BSX: variants seen among roughly 807,000 people sequenced by gnomAD.
The protein encoded by BSX is brain-specific homeobox protein homolog.
In BSX, 12 loss-of-function variants were observed where a neutral mutation model predicts 16.9. The observed-to-expected ratio is 0.71, with a 90% CI of 0.46 to 1.15. The LOEUF is 1.15. Among genes scored for constraint, BSX ranks in the 50% most tolerant of loss-of-function variants. The pLI, the probability that BSX is intolerant of heterozygous loss-of-function variation, is 0.00. For missense variants in BSX, 292 were observed against 311.8 expected (o/e 0.94, Z 0.48); for synonymous variants, 160 against 136.4 (o/e 1.17, Z -1.20).
At position 122,979,348 on chromosome 11, in the gene BSX, G is replaced by A; in HGVS notation, c.372C>T (p.Gly124=). ...GCTGGATCTCGAACCTCTTCTCCAA[G>A]CCCGAGAGCTGCGAGTCAGAGAAAA... ...RTVFSDSQLS[G]LEKRFEIQRY... Residue 124 remains glycine, a synonymous_variant, in exon 2 of 3, where the codon GGC becomes GGT. Coordinates refer to ENST00000343035, the MANE Select transcript of BSX (RefSeq NM_001098169.2). The A allele has an allele frequency of 6.2e-7, 1 of 1,614,170 alleles. No individual in the cohort carries two copies. Among genetic ancestry groups the A allele is most frequent in the Non-Finnish European group, 8.5e-7 (1 of 1,180,028 alleles).
chr11:122,978,795 C>CTTTTTTTTTTTTTT (rs35567142), intron 2 of BSX, among the ~76,000 whole-genome samples: 5 of 64,776 alleles, frequency 7.7e-5, no homozygotes, highest in African/African-American at 1.6e-4. Flanking sequence ...TTTTTCTTTT[C>CTTTTTTTTTTTTTT]TTTTTTTTTT....
intron 2 of BSX, among the ~76,000 whole-genome samples, chr11:122,978,658 G>A (rs1864526963): frequency 6.6e-6 from 1 of 152,056 alleles, no homozygotes; most frequent in African/African-American, 2.4e-5. Flanking sequence ...ACGAATAAGA[G>A]TTCTTAACCT....
rs1474440435 is a variant in BSX, at chr11:122,981,463, T to C, written c.209A>G (p.His70Arg). 1.3e-6 allele frequency: 2 copies of C among 1,573,792 alleles called. No homozygotes were observed. The highest frequency in any genetic ancestry group is 1.2e-5 in the South Asian group (1 of 85,600). ...GTGGTCTCCCTTATGCAGAGGGTGA[T>C]GGGCGTGAGGAGCCAAGAGGGTGGG... is the stretch of plus-strand genomic sequence containing the variant. The part of the protein sequence containing the change: ...PTPTLLAPHA[H>R]HPLHKGDHHH... The change falls in exon 1 of 3, where the codon CAT becomes CGT. Residue 70 changes from histidine to arginine, a missense_variant. Around this residue, in one of 3 missense-constraint regions of BSX, gnomAD observed 176 missense variants for 187.2 expected, o/e 0.94. Coordinates refer to ENST00000343035, the MANE Select transcript of BSX (RefSeq NM_001098169.2).
chr11:122,977,600 C>G lies in BSX; in HGVS notation c.*49G>C, dbSNP rs200622181. The G allele has an allele frequency of 3.2e-6, 5 of 1,555,238 alleles. No homozygotes were observed. The highest frequency in any genetic ancestry group is 4.3e-6 in the Non-Finnish European group (5 of 1,161,330). ...TTCCGGTCCAGGAGGGAACCGCGCT[C>G]GGCCCCGCAGTCTCCTCCCCTGCCT... On this transcript the variant is annotated 3_prime_UTR_variant, in exon 3 of 3. Coordinates refer to ENST00000343035, the MANE Select transcript of BSX (RefSeq NM_001098169.2). This position sits in a 1 kb window ranked among gnomAD's most constrained non-coding sequence, Gnocchi z 4.5.
At chr11:122,980,813 T>A (rs1280887454) in intron 1 of BSX, among the ~76,000 whole-genome samples, 1 of 150,890 alleles carries the variant, frequency 6.6e-6, no homozygotes, top group East Asian at 1.9e-4. Context: ...AAATGTTAGA[T>A]GTTGAGGATG....
chr11:122,979,619 A>G (rs1002869672), intron 1 of BSX, among the ~76,000 whole-genome samples, 162 bp from the exon 2 acceptor site: 1 of 147,276 alleles, frequency 6.8e-6, no homozygotes, highest in Non-Finnish European at 1.5e-5. Flanking sequence ...TCAGGAATCC[A>G]GGGCAGAGGA....
Position 122,977,694 on chromosome 11 carries a change from G to A in BSX, c.657C>T (p.Asp219=). 1 of 1,612,344 alleles carries A rather than the reference G, an allele frequency of 6.2e-7. No homozygotes were observed. The stretch of plus-strand genomic sequence containing the variant: ...AGCCCAGCTCCCCCTCGTCTCCAAT[G>A]TCCACCTCGTCCTCTGGCTCGGTCA... ...FVLTEPEDEV[D]IGDEGELGSG... The change falls in exon 3 of 3, where the codon GAC becomes GAT. Residue 219 remains aspartate (D), a synonymous_variant. Coordinates refer to ENST00000343035, the MANE Select transcript of BSX (RefSeq NM_001098169.2). The surrounding 1 kb of genome is among the most constrained non-coding windows in gnomAD (Gnocchi z 4.5).
In BSX at chr11:122,981,425, A is replaced by G; in HGVS notation, c.247T>C (p.Phe83Leu). 6.5e-7 allele frequency: 1 copy of G among 1,541,838 alleles called. No individual in the cohort carries two copies. Among genetic ancestry groups the G allele is most frequent in the South Asian group, 1.2e-5 (1 of 81,944 alleles). The change falls in exon 1 of 3, where the codon TTC becomes CTC. Residue 83 changes from phenylalanine (F) to leucine (L), a missense_variant. By Grantham distance (22) the Phe-to-Leu change is conservative. Around this residue, in one of 3 missense-constraint regions of BSX, gnomAD observed 176 missense variants for 187.2 expected, o/e 0.94. Coordinates refer to ENST00000343035, the MANE Select transcript of BSX (RefSeq NM_001098169.2). ...TGTTACTTACCCGAGGTGGTGAGGAAATAAGGATGATGGTGGTCTCCCTTA... is the reference window on the plus strand; with the variant it reads ...TGTTACTTACCCGAGGTGGTGAGGAGATAAGGATGATGGTGGTCTCCCTTA... ...LHKGDHHHPY[F>L]LTTSGMPVPA...
chr11:122,980,870 C>T (rs1221769866), intron 1 of BSX, among the ~76,000 whole-genome samples: 1 of 152,066 alleles, frequency 6.6e-6, no homozygotes, highest in African/African-American at 2.4e-5. Flanking sequence ...TTTTTTCTCA[C>T]CCTTTCTGTC....
intron 2 of BSX, among the ~76,000 whole-genome samples, chr11:122,978,556 G>C (rs907377093): frequency 6.6e-6 from 1 of 152,036 alleles, no homozygotes; most frequent in Non-Finnish European, 1.5e-5. Context: ...CTCCTTGTGT[G>C]GGCTTCTCTC....
rs1310608194 is a variant in BSX, at chr11:122,977,809, C to G, written c.542G>C (p.Gly181Ala). Residue 181 changes from glycine (G) to alanine (A), a missense_variant, in exon 3 of 3, where the codon GGG becomes GCG. By Grantham distance (60) the Gly-to-Ala change is moderately conservative (BLOSUM62 0). This residue lies in a region of BSX where 107 missense variants were observed against 97.1 expected (regional missense o/e 1.10). Coordinates refer to ENST00000343035, the MANE Select transcript of BSX (RefSeq NM_001098169.2). This position sits in a 1 kb window ranked among gnomAD's most constrained non-coding sequence, Gnocchi z 4.5. ...KSQDEPKAPD[G>A]PESPEGSPRG... ...GGGGCTGCCCTCGGGGCTTTCTGGC[C>G]CGTCTGGTGCTTTGGGTTCGTCTTG... 1 of 1,613,988 alleles carries G rather than the reference C, an allele frequency of 6.2e-7. No homozygotes were observed. The highest frequency in any genetic ancestry group is 1.1e-5 in the South Asian group (1 of 91,076).
At position 122,981,110 on chromosome 11, in the gene BSX, A is replaced by G. The variant is rs150912601; in HGVS notation, c.262+300T>C. 1.6e-3 allele frequency among the ~76,000 whole-genome samples: 237 copies of G among 152,276 alleles called. 1 individual carries two copies. The highest frequency in any genetic ancestry group is 0.01 in the Middle Eastern group (3 of 294). ...GTGGCCAGGAAGATCACGAGCAGGG[A>G]CACTGAGCACTGCCTACCAAGAGTA... On this transcript the variant is annotated intron_variant, in intron 1 of 2. Coordinates refer to ENST00000343035, the MANE Select transcript of BSX (RefSeq NM_001098169.2).
At chr11:122,980,844 T>A (rs1457444668) in intron 1 of BSX, among the ~76,000 whole-genome samples, 1 of 152,200 alleles carries the variant, frequency 6.6e-6, no homozygotes, top group East Asian at 1.9e-4. Flanking sequence ...AAGAGCTGCA[T>A]CTCCCCCTAC....
chr11:122,979,167 T>C (rs1366887003), intron 2 of BSX, 94 bp downstream of exon 2: 6 of 1,212,494 alleles, frequency 4.9e-6, no homozygotes, highest in Non-Finnish European at 6.9e-6. Flanking sequence ...CGGGGTCTAT[T>C]TCTACTCGAA....
chr11:122,978,031 T>A, intron 2 of BSX, 140 bp from the exon 3 acceptor site: 1 of 988,724 alleles, frequency 1.0e-6, no homozygotes, highest in East Asian at 2.4e-5. Flanking sequence ...AGTTATCGCC[T>A]TAAGCCGAAT....
chr11:122,979,191 C>G lies in BSX; in HGVS notation c.459+70G>C, dbSNP rs543929082. On this transcript the variant is annotated intron_variant, in intron 2 of 2. Transcript: ENST00000343035. ...TTTCTACTCGAACTCCACAAGGTCC[C>G]GAAGGTATTAAGACTTGAAGGCAGA... 73 of 1,403,430 alleles carry G rather than the reference C, an allele frequency of 5.2e-5. 1 individual carries two copies. In the South Asian group the frequency reaches 9.0e-4, roughly 17 times the overall value. 86.9% of individuals were successfully genotyped at this position (1,403,430 alleles called of 1,614,324 possible).
At chr11:122,978,733 T>A (rs1864528061) in intron 2 of BSX, among the ~76,000 whole-genome samples, 1 of 151,666 alleles carries the variant, frequency 6.6e-6, no homozygotes, top group Non-Finnish European at 1.5e-5. Flanking sequence ...CTCGAGAAAT[T>A]TTGCTTGGGT....
rs1289327502 is a variant in BSX, at chr11:122,979,754, T to C, written c.263-297A>G. 2.0e-5 allele frequency among the ~76,000 whole-genome samples: 3 copies of C among 152,176 alleles called. No homozygotes were observed. The East Asian group carries it at 5.8e-4, about 29-fold the overall frequency. On this transcript the variant is annotated intron_variant, in intron 1 of 2. Transcript: ENST00000343035. Reference sequence around the variant, plus strand: ...AATCGGAAAATAGATCCGGAGGCTGTTTAAAAATGTCTTCTTGGAGAGACT... The same window carrying C: ...AATCGGAAAATAGATCCGGAGGCTGCTTAAAAATGTCTTCTTGGAGAGACT...
In BSX at chr11:122,981,529, C is replaced by G. The variant is rs867300572; in HGVS notation, c.143G>C (p.Arg48Pro). 2 of 1,597,628 alleles carry G rather than the reference C, an allele frequency of 1.3e-6. No individual in the cohort carries two copies. Among genetic ancestry groups the G allele is most frequent in the Non-Finnish European group, 1.7e-6 (2 of 1,172,224 alleles). Residue 48 changes from arginine to proline, a missense_variant, in exon 1 of 3, where the codon CGG becomes CCG. Arg to Pro is a moderately radical substitution (Grantham distance 103). Around this residue, in one of 3 missense-constraint regions of BSX, gnomAD observed 176 missense variants for 187.2 expected, o/e 0.94. Transcript: ENST00000343035. Reference sequence around the variant, plus strand: ...GTAGCCATAGTCTAGCAGAGGCACCCGAGAGGCCAGAGAGCTGGCGAAATG... The same window carrying G: ...GTAGCCATAGTCTAGCAGAGGCACCGGAGAGGCCAGAGAGCTGGCGAAATG... ...PDHFASSLAS[R>P]VPLLDYGYPL...
Sources: allele counts gnomAD v4.1 joint callset (sites outside exome capture counted in the v4.1 genomes callset), GRCh38; gene constraint gnomAD v4.1.1; regional missense constraint gnomAD v4.1.1; non-coding constraint Gnocchi (gnomAD v3.1); transcripts MANE v1.5; gene names NCBI Gene and HGNC (gene_info 2026-07-23, HGNC 2026-07-21).